The following RAD54L2 variants were observed in gnomAD, a reference collection of about 807,000 sequenced individuals.
The protein encoded by RAD54L2 is helicase ARIP4.
In RAD54L2, 27 loss-of-function variants were observed where a neutral mutation model predicts 138.4. That is an observed-to-expected ratio of 0.20 (90% CI 0.14 to 0.27). The LOEUF (loss-of-function observed/expected upper bound fraction) is 0.27, where lower values mean the gene tolerates loss of function less well. Among genes scored for constraint, RAD54L2 ranks in the 10% least tolerant of loss-of-function variants. The pLI is 1.00. For missense variants in RAD54L2, 1,396 were observed against 1,890.2 expected (o/e 0.74, Z 4.85); for synonymous variants, 644 against 723.2 (o/e 0.89, Z 1.76).
chr3:51,582,499 C>G (rs1193285430), intron 2 of RAD54L2, among the ~76,000 whole-genome samples: 2 of 152,070 alleles, frequency 1.3e-5, no homozygotes, highest in Non-Finnish European at 2.9e-5. Flanking sequence ...GTGTCTGTCA[C>G]ACGGGCTTCT....
At position 51,662,484 on chromosome 3, in the gene RAD54L2, C is replaced by T. The variant is rs1367488744; in HGVS notation, c.3468C>T (p.Pro1156=). ...ACGGCAGACACAGTGCCTCATCACC[C>T]AAAGCCCCCGACCCTGAGGGGCTGG... ...TSNGRHSASS[P]KAPDPEGLAR... Residue 1156 remains proline, a synonymous_variant, in exon 23 of 23, where the codon CCC becomes CCT. Coordinates refer to ENST00000684192, the MANE Select transcript of RAD54L2 (RefSeq NM_015106.4). This position sits in a 1 kb window ranked among gnomAD's most constrained non-coding sequence, Gnocchi z 4.6. 2 of 1,594,190 alleles carry T rather than the reference C, an allele frequency of 1.3e-6. No homozygotes were observed. Among genetic ancestry groups the T allele is most frequent in the African/African-American group, 1.3e-5 (1 of 74,232 alleles).
chr3:51,602,000 T>G (rs1337387134), intron 3 of RAD54L2, among the ~76,000 whole-genome samples: 1 of 151,762 alleles, frequency 6.6e-6, no homozygotes, highest in Non-Finnish European at 1.5e-5. Context: ...CCAGCTAAGT[T>G]TTTGTATTTT....
At chr3:51,659,090 C>T (rs893319792) in intron 21 of RAD54L2, among the ~76,000 whole-genome samples, 9 of 148,170 alleles carry the variant, frequency 6.1e-5, no homozygotes, top group Non-Finnish European at 1.3e-4. Context: ...AAAAACCATC[C>T]GGCTCTTGTT....
chr3:51,633,535 T>C (rs1407066425), intron 7 of RAD54L2, 42 bp from the exon 8 acceptor site: 4 of 1,565,530 alleles, frequency 2.6e-6, no homozygotes, highest in African/African-American at 2.7e-5. Context: ...GGAGCCCTCA[T>C]CTTTGTGAGC....
chr3:51,647,266 G>A (rs1292849853), intron 19 of RAD54L2, among the ~76,000 whole-genome samples: 1 of 152,092 alleles, frequency 6.6e-6, no homozygotes, highest in South Asian at 2.1e-4. Flanking sequence ...GCAGTGGTGC[G>A]ATCACAGCTT....
chr3:51,618,166 G>A (rs899168084), intron 3 of RAD54L2, among the ~76,000 whole-genome samples: 3 of 149,962 alleles, frequency 2.0e-5, no homozygotes, highest in Admixed American at 6.7e-5. Flanking sequence ...AGTGGAGACA[G>A]GGTTTCACCA....
chr3:51,594,640 T>C (rs1443649312), intron 3 of RAD54L2, among the ~76,000 whole-genome samples: 1 of 152,056 alleles, frequency 6.6e-6, no homozygotes, highest in African/African-American at 2.4e-5. Flanking sequence ...TTGTTAATTA[T>C]TGTTGAGCAG....
At chr3:51,655,024 G>A (rs1320381794) in intron 19 of RAD54L2, among the ~76,000 whole-genome samples, 1 of 152,160 alleles carries the variant, frequency 6.6e-6, no homozygotes. Flanking sequence ...GCACAGGTCT[G>A]GGGCCCATCT....
intron 2 of RAD54L2, among the ~76,000 whole-genome samples, chr3:51,554,708 A>G (rs1259294378): frequency 6.6e-6 from 1 of 152,186 alleles, no homozygotes; most frequent in Admixed American, 6.6e-5. Context: ...CCAGTCCTGA[A>G]GAGATTACCT....
At chr3:51,657,503 T>C (rs940154865) in intron 20 of RAD54L2, 77 bp from the exon 21 acceptor site, 25 of 907,286 alleles carry the variant, frequency 2.8e-5, no homozygotes, top group Admixed American at 1.2e-4. Context: ...CTGGGGTAGA[T>C]GTGGGACTTT....
chr3:51,557,290 C>A (rs1423141005), intron 2 of RAD54L2, among the ~76,000 whole-genome samples: 1 of 147,670 alleles, frequency 6.8e-6, no homozygotes, highest in East Asian at 2.1e-4. Context: ...TCAAAGTATT[C>A]TCCAACCTCA....
At chr3:51,588,596 G>T (rs1456977466) in intron 2 of RAD54L2, among the ~76,000 whole-genome samples, 1 of 150,472 alleles carries the variant, frequency 6.6e-6, no homozygotes, top group Non-Finnish European at 1.5e-5. Context: ...GGAAAGAATT[G>T]GTCAGTGAAT....
chr3:51,654,940 A>G (rs958668983), intron 19 of RAD54L2, among the ~76,000 whole-genome samples: 1 of 152,126 alleles, frequency 6.6e-6, no homozygotes, highest in African/African-American at 2.4e-5. Flanking sequence ...GGTTTCTGTT[A>G]CATTGATACC....
chr3:51,632,509 G>A (rs993631248), intron 7 of RAD54L2, among the ~76,000 whole-genome samples: 1 of 151,364 alleles, frequency 6.6e-6, no homozygotes, highest in Admixed American at 6.6e-5. Flanking sequence ...TCACCAGGAT[G>A]GTCTTGAACT....
intron 2 of RAD54L2, among the ~76,000 whole-genome samples, chr3:51,557,251 A>G (rs148896875): frequency 4.0e-4 from 54 of 135,034 alleles, no homozygotes; most frequent in African/African-American, 1.5e-3. Context: ...ATGCAGTGGC[A>G]TGGCTCACTG....
rs936076789 is a variant in RAD54L2 at position 51,665,875 on chromosome 3, G to A, written c.*2455G>A. 1.3e-5 allele frequency: 2 copies of A among 152,226 alleles called. No homozygotes were observed. Among genetic ancestry groups the A allele is most frequent in the Non-Finnish European group, 2.9e-5 (2 of 68,042 alleles). 9.4% of individuals were successfully genotyped at this position (152,226 alleles called of 1,614,324 possible). A position where few individuals can be genotyped will look rare whatever the true frequency, so the allele number is the denominator to read the frequency against. On this transcript the variant is annotated 3_prime_UTR_variant, in exon 23 of 23. Coordinates refer to ENST00000684192, the MANE Select transcript of RAD54L2 (RefSeq NM_015106.4). Reference sequence around the variant, plus strand: ...CTGTGTTCACTTCTAGGAAATCACTGTACTAGCCTCCAAGAATCCGGAAAC... The same window carrying A: ...CTGTGTTCACTTCTAGGAAATCACTATACTAGCCTCCAAGAATCCGGAAAC...
intron 2 of RAD54L2, among the ~76,000 whole-genome samples, chr3:51,576,065 T>G (rs1428277607): frequency 6.6e-6 from 1 of 152,220 alleles, no homozygotes. Context: ...GAAGGGCTGT[T>G]GAATTTTGTC....
intron 3 of RAD54L2, among the ~76,000 whole-genome samples, chr3:51,607,506 T>C (rs1409734339): frequency 6.6e-6 from 1 of 152,250 alleles, no homozygotes; most frequent in Non-Finnish European, 1.5e-5. Context: ...TGTCTACTTC[T>C]TTCTACACAG....
rs760393481 is a variant in RAD54L2 at position 51,666,109 on chromosome 3, A to G, written c.*2689A>G. ...GCTTTCTTTTATATGTGCAGTTTCT[A>G]TTGTGTAGAGGGGTTGGGGGTGGGA... On this transcript the variant is annotated 3_prime_UTR_variant, in exon 23 of 23. Transcript: ENST00000684192. The G allele has an allele frequency of 1.7e-5, 2 of 116,180 alleles. No individual in the cohort carries two copies. Among genetic ancestry groups the G allele is most frequent in the African/African-American group, 6.7e-5 (2 of 29,666 alleles). 7.2% of individuals were successfully genotyped at this position (116,180 alleles called of 1,614,324 possible). A position where few individuals can be genotyped will look rare whatever the true frequency, so the allele number is the denominator to read the frequency against.
Sources: gnomAD v4.1 joint callset for allele counts (sites outside exome capture counted in the v4.1 genomes callset) on GRCh38, gnomAD v4.1.1 for gene constraint, Gnocchi (gnomAD v3.1) non-coding constraint, MANE v1.5 for transcripts, NCBI Gene and HGNC (gene_info 2026-07-23, HGNC 2026-07-21) for gene names.